NTNG1: variants seen among roughly 807,000 people sequenced by gnomAD.
NTNG1 encodes netrin G1, also known as netrin-G1.
Under a neutral mutation model 54.0 loss-of-function variants are expected in NTNG1, and 16 were observed. That is an observed-to-expected ratio of 0.30 (90% CI 0.20 to 0.45). The LOEUF (loss-of-function observed/expected upper bound fraction) is 0.45, where lower values mean the gene tolerates loss of function less well. Ranked by LOEUF, NTNG1 falls within the 20% of genes least tolerant of loss-of-function variation. NTNG1 has a pLI of 1.00. For missense variants in NTNG1, 530 were observed against 678.7 expected, an observed-to-expected ratio of 0.78 and a Z score of 2.43; for synonymous variants, 255 against 263.1, an observed-to-expected ratio of 0.97 and a Z score of 0.30.
chr1:107,348,167 C>T (rs563751600), intron 3 of NTNG1, among the ~76,000 whole-genome samples: 1 of 151,898 alleles, frequency 6.6e-6, no homozygotes, highest in Non-Finnish European at 1.5e-5. Flanking sequence ...ACTCTGTTGT[C>T]CAGGCTGGAG....
chr1:107,181,227 G>A (rs1023513756), intron 2 of NTNG1, among the ~76,000 whole-genome samples: 2 of 152,080 alleles, frequency 1.3e-5, no homozygotes, highest in East Asian at 1.9e-4. Flanking sequence ...TGTATTCAGA[G>A]CTGCTTTCTT....
At chr1:107,375,084 C>T (rs1671149672) in intron 3 of NTNG1, among the ~76,000 whole-genome samples, 1 of 152,118 alleles carries the variant, frequency 6.6e-6, no homozygotes, top group South Asian at 2.1e-4. Context: ...TTTTCCCTGC[C>T]TTCATGTAGT....
chr1:107,307,255 G>C (rs1210050523), intron 2 of NTNG1, among the ~76,000 whole-genome samples: 1 of 152,180 alleles, frequency 6.6e-6, no homozygotes, highest in Non-Finnish European at 1.5e-5. Flanking sequence ...ATTCTATGAA[G>C]AGATTAATTT....
chr1:107,356,975 C>T (rs1296863663), intron 3 of NTNG1, among the ~76,000 whole-genome samples: 2 of 152,132 alleles, frequency 1.3e-5, no homozygotes, highest in African/African-American at 4.8e-5. Context: ...TGCACTCCAG[C>T]CTGGGCAACA....
At chr1:107,172,975 T>G (rs977835313) in intron 2 of NTNG1, among the ~76,000 whole-genome samples, 1 of 152,138 alleles carries the variant, frequency 6.6e-6, no homozygotes, top group African/African-American at 2.4e-5. Flanking sequence ...TCTAGAGAAA[T>G]CACCTCATTC....
chr1:107,177,631 C>G (rs971570030), intron 2 of NTNG1, among the ~76,000 whole-genome samples: 1 of 152,126 alleles, frequency 6.6e-6, no homozygotes, highest in African/African-American at 2.4e-5. Flanking sequence ...CCGCTCCCGG[C>G]CTTAAGAAGC....
At chr1:107,248,483 G>A (rs1662346854) in intron 2 of NTNG1, among the ~76,000 whole-genome samples, 1 of 152,168 alleles carries the variant, frequency 6.6e-6, no homozygotes, top group South Asian at 2.1e-4. Context: ...GTAACAAGGA[G>A]TTAATCTTAC....
At chr1:107,190,825 GT>G (rs1557794998) in intron 2 of NTNG1, among the ~76,000 whole-genome samples, 2 of 151,990 alleles carry the variant, frequency 1.3e-5, no homozygotes, top group African/African-American at 4.8e-5. Flanking sequence ...CCAGTCTATC[GT>G]TGTTGGACAT....
At chr1:107,441,634 A>C (rs1343097810) in intron 7 of NTNG1, among the ~76,000 whole-genome samples, 3 of 152,234 alleles carry the variant, frequency 2.0e-5, no homozygotes, top group South Asian at 4.1e-4. Context: ...TCTCCTTTTC[A>C]AGATCTTTAA....
chr1:107,449,756 T>C (rs1025552386), intron 7 of NTNG1, among the ~76,000 whole-genome samples: 15 of 152,002 alleles, frequency 9.9e-5, no homozygotes, highest in African/African-American at 3.6e-4. Flanking sequence ...GGAAGCTTTT[T>C]CTATTAACTA....
intron 2 of NTNG1, among the ~76,000 whole-genome samples, chr1:107,184,569 A>C (rs2101149428): frequency 6.6e-6 from 1 of 152,212 alleles, no homozygotes; most frequent in East Asian, 1.9e-4. Context: ...CTTTAAAAAA[A>C]CTTCATGGCT....
chr1:107,226,414 T>G (rs1421779008), intron 2 of NTNG1, among the ~76,000 whole-genome samples: 1 of 152,148 alleles, frequency 6.6e-6, no homozygotes, highest in Non-Finnish European at 1.5e-5. Context: ...CCTCTCTCAT[T>G]GTGTAAGATA....
Position 107,266,901 on chromosome 1 carries a change from G to T in NTNG1, c.247-57381G>T, listed in dbSNP as rs1359965792. ...TGGTTTATCTAAAGTTTTAAGCTGTGGGTCTCATGTACAGATTTCTTTCAC... is the reference window on the plus strand; with the variant it reads ...TGGTTTATCTAAAGTTTTAAGCTGTTGGTCTCATGTACAGATTTCTTTCAC... On this transcript the variant is annotated intron_variant, in intron 2 of 7. Transcript: ENST00000370068. Among the ~76,000 whole-genome samples, 3 of 152,078 alleles carry T rather than the reference G, an allele frequency of 2.0e-5. No individual in the cohort carries two copies. The East Asian group carries it at 5.8e-4, about 29-fold the overall frequency.
intron 2 of NTNG1, among the ~76,000 whole-genome samples, chr1:107,307,380 A>T (rs1666754454): frequency 1.3e-5 from 2 of 152,198 alleles, no homozygotes; most frequent in East Asian, 3.9e-4. Context: ...AATAGCAATG[A>T]TAGTGATGAT....
intron 3 of NTNG1, among the ~76,000 whole-genome samples, chr1:107,336,901 C>T (rs1329471072): frequency 6.6e-6 from 1 of 151,926 alleles, no homozygotes; most frequent in African/African-American, 2.4e-5. Context: ...TAGGGACATG[C>T]AAGTCAAAAC....
intron 1 of NTNG1, among the ~76,000 whole-genome samples, chr1:107,147,226 A>G (rs1654189370): frequency 6.6e-6 from 1 of 152,050 alleles, no homozygotes; most frequent in African/African-American, 2.4e-5. Context: ...TTAGTGCCAT[A>G]TTATTCTGCT....
chr1:107,440,014 G>A lies in NTNG1; in HGVS notation c.1390+3215G>A, dbSNP rs17019067. ...CTGAGTGGAACCCATCCTTGGATTT[G>A]GCCACAGTATTAGTAGAAGAGCTAT... On this transcript the variant is annotated intron_variant, in intron 7 of 7. Transcript: ENST00000370068. 0.012 allele frequency among the ~76,000 whole-genome samples: 1,814 copies of A among 151,736 alleles called. 100 individuals are homozygous for A. In the East Asian group the frequency reaches 0.18, roughly 15 times the overall value.
rs112954827 is a variant in NTNG1 at position 107,251,039 on chromosome 1, A to C, written c.247-73243A>C. 1.3e-3 allele frequency among the ~76,000 whole-genome samples: 199 copies of C among 152,378 alleles called. 3 individuals are homozygous for C. Among genetic ancestry groups the C allele is most frequent in the Middle Eastern group, 0.01 (3 of 294 alleles). ...CAATCATGCAAAATAAATTTTAAGA[A>C]CAAAATGTTGAAAGAATACATTTAT... On this transcript the variant is annotated intron_variant, in intron 2 of 7. Coordinates refer to ENST00000370068, the MANE Select transcript of NTNG1 (RefSeq NM_001113226.3).
intron 2 of NTNG1, among the ~76,000 whole-genome samples, chr1:107,152,580 C>G (rs1654660625): frequency 6.6e-6 from 1 of 152,152 alleles, no homozygotes; most frequent in Non-Finnish European, 1.5e-5. Context: ...GACGGAAGAA[C>G]TCATGTGTGT....
Sources: gnomAD v4.1 joint callset for allele counts (sites outside exome capture counted in the v4.1 genomes callset) on GRCh38, gnomAD v4.1.1 for gene constraint, MANE v1.5 for transcripts, NCBI Gene and HGNC (gene_info 2026-07-23, HGNC 2026-07-21) for gene names.